The following CNTNAP2 variants were observed in gnomAD, a reference collection of about 807,000 sequenced individuals.
CNTNAP2 encodes the protein contactin associated protein 2, also known as contactin-associated protein-like 2.
CNTNAP2 carries 98 observed loss-of-function variants against 155.2 expected under a neutral mutation model. The ratio of observed to expected loss-of-function variants is 0.63; its 90% CI spans 0.54 to 0.75. CNTNAP2 has a LOEUF of 0.75. CNTNAP2 is among the 30% of genes least tolerant of loss of function. The pLI, the probability that CNTNAP2 is intolerant of heterozygous loss-of-function variation, is 0.00. For missense variants in CNTNAP2, 1,727 were observed against 1,688.1 expected (o/e 1.02, Z -0.40); for synonymous variants, 651 against 631.2 (o/e 1.03, Z -0.47).
intron 11 of CNTNAP2, among the ~76,000 whole-genome samples, chr7:147,500,360 T>C (rs970624232): frequency 2.6e-5 from 4 of 152,044 alleles, no homozygotes; most frequent in Admixed American, 2.0e-4. Context: ...TATAAACACA[T>C]TGACAGTTCT....
intron 8 of CNTNAP2, among the ~76,000 whole-genome samples, chr7:147,299,660 G>A (rs575724459): frequency 6.6e-6 from 1 of 152,234 alleles, no homozygotes; most frequent in South Asian, 2.1e-4. Flanking sequence ...AACAAAGACA[G>A]ACTTTAGATA....
intron 1 of CNTNAP2, among the ~76,000 whole-genome samples, chr7:146,435,860 A>G (rs1313769742): frequency 6.6e-6 from 1 of 152,186 alleles, no homozygotes; most frequent in East Asian, 1.9e-4. Flanking sequence ...AATTCTCAAC[A>G]GGAGCTTATC....
chr7:147,812,032 C>T (rs1798187601), intron 13 of CNTNAP2, among the ~76,000 whole-genome samples: 1 of 152,050 alleles, frequency 6.6e-6, no homozygotes, highest in Admixed American at 6.6e-5. Context: ...GCGAAGGAGC[C>T]TGGAGTTGTG....
chr7:148,408,480 C>A (rs1373137763), intron 22 of CNTNAP2, among the ~76,000 whole-genome samples: 1 of 152,206 alleles, frequency 6.6e-6, no homozygotes, highest in Non-Finnish European at 1.5e-5. Context: ...TAGCAATGTT[C>A]TCCCTGAATC....
At chr7:146,240,273 T>C (rs530072641) in intron 1 of CNTNAP2, among the ~76,000 whole-genome samples, 19 of 152,274 alleles carry the variant, frequency 1.2e-4, no homozygotes, top group Middle Eastern at 3.4e-3. Flanking sequence ...TATCTACATA[T>C]TATTTCCTGT....
At chr7:147,793,634 GC>G (rs1226680940) in intron 13 of CNTNAP2, among the ~76,000 whole-genome samples, 1 of 151,996 alleles carries the variant, frequency 6.6e-6, no homozygotes, top group Non-Finnish European at 1.5e-5. Flanking sequence ...ATTTTAAGAT[GC>G]TTTTGGCTGT....
At chr7:146,399,174 A>T (rs1462592475) in intron 1 of CNTNAP2, among the ~76,000 whole-genome samples, 1 of 152,170 alleles carries the variant, frequency 6.6e-6, no homozygotes, top group Admixed American at 6.5e-5. Context: ...TACCTCACAT[A>T]ATTTTTGGGG....
At chr7:146,275,493 A>G (rs1246453955) in intron 1 of CNTNAP2, among the ~76,000 whole-genome samples, 2 of 152,216 alleles carry the variant, frequency 1.3e-5, no homozygotes, top group East Asian at 1.9e-4. Context: ...CAGAAAATAT[A>G]TTGTATAAGA....
intron 13 of CNTNAP2, among the ~76,000 whole-genome samples, chr7:147,897,725 C>T (rs1799799515): frequency 6.6e-6 from 1 of 152,170 alleles, no homozygotes; most frequent in Admixed American, 6.5e-5. Flanking sequence ...ATGACCTTAA[C>T]ATTTCTTTCG....
At chr7:148,321,897 C>CTT (rs201482522) in intron 21 of CNTNAP2, among the ~76,000 whole-genome samples, 13 of 141,484 alleles carry the variant, frequency 9.2e-5, no homozygotes, top group South Asian at 2.3e-4. Context: ...ATAAATTCTT[C>CTT]TTTTTTTTTT....
At chr7:147,874,802 A>G (rs986539054) in intron 13 of CNTNAP2, among the ~76,000 whole-genome samples, 2 of 152,136 alleles carry the variant, frequency 1.3e-5, no homozygotes, top group Non-Finnish European at 2.9e-5. Context: ...CTTCATCTTG[A>G]ATGCTTTGCT....
chr7:148,359,014 G>T (rs1276127553), intron 21 of CNTNAP2, among the ~76,000 whole-genome samples: 1 of 152,346 alleles, frequency 6.6e-6, no homozygotes, highest in South Asian at 2.1e-4. Flanking sequence ...CAGACTGTGT[G>T]TACAGTGGTG....
intron 1 of CNTNAP2, among the ~76,000 whole-genome samples, chr7:146,581,799 G>A (rs1291923958): frequency 6.6e-6 from 1 of 152,042 alleles, no homozygotes; most frequent in East Asian, 1.9e-4. Flanking sequence ...AGGTACAGAG[G>A]AAATCATGCT....
At chr7:147,573,266 TACAG>T (rs1800328689) in intron 12 of CNTNAP2, among the ~76,000 whole-genome samples, 1 of 152,192 alleles carries the variant, frequency 6.6e-6, no homozygotes, top group South Asian at 2.1e-4. Flanking sequence ...TGCATTTACG[TACAG>T]ACAATTTCAT....
At chr7:147,574,450 C>A (rs1800350423) in intron 12 of CNTNAP2, among the ~76,000 whole-genome samples, 1 of 152,078 alleles carries the variant, frequency 6.6e-6, no homozygotes, top group Admixed American at 6.6e-5. Flanking sequence ...TCCCATTGCC[C>A]TGATGTCCTT....
chr7:147,442,965 C>G (rs939224509), intron 10 of CNTNAP2, among the ~76,000 whole-genome samples: 2 of 152,038 alleles, frequency 1.3e-5, no homozygotes, highest in Non-Finnish European at 2.9e-5. Context: ...GTTGTACAGC[C>G]TGGAATTAGG....
At chr7:146,927,091 T>C (rs1796624231) in intron 3 of CNTNAP2, among the ~76,000 whole-genome samples, 1 of 152,114 alleles carries the variant, frequency 6.6e-6, no homozygotes, top group Non-Finnish European at 1.5e-5. Context: ...GACAACTTAC[T>C]GTAAAATTCC....
intron 16 of CNTNAP2, 80 bp from the exon 17 acceptor site, chr7:148,147,411 T>A (rs1805205525): frequency 7.2e-7 from 1 of 1,382,360 alleles, no homozygotes; most frequent in South Asian, 1.2e-5. Context: ...TCTCCCTGCT[T>A]TGTTTGTCGT....
chr7:148,306,919 C>T (rs768641499), intron 21 of CNTNAP2, among the ~76,000 whole-genome samples: 9 of 152,126 alleles, frequency 5.9e-5, no homozygotes, highest in East Asian at 1.9e-4. Context: ...AAGTTCTGTG[C>T]ACACAAATGG....
Sources: allele counts gnomAD v4.1 joint callset (sites outside exome capture counted in the v4.1 genomes callset), GRCh38; gene constraint gnomAD v4.1.1; transcripts MANE v1.5; gene names NCBI Gene and HGNC (gene_info 2026-07-23, HGNC 2026-07-21).